The following RCBTB1 variants were observed in gnomAD, a reference collection of about 807,000 sequenced individuals.
RCBTB1 encodes RCC1 and BTB domain-containing protein 1.
RCBTB1 carries 46 observed loss-of-function variants against 62.4 expected under a neutral mutation model. The observed-to-expected ratio is 0.74, with a 90% CI of 0.58 to 0.94. The LOEUF is 0.94. Among genes scored for constraint, RCBTB1 ranks in the 40% least tolerant of loss-of-function variants. RCBTB1 has a pLI of 0.00. For synonymous variants in RCBTB1, 222 were observed against 245.8 expected, an observed-to-expected ratio of 0.90 and a Z score of 0.91; for missense variants, 565 against 654.9, an observed-to-expected ratio of 0.86 and a Z score of 1.50.
Position 49,551,327 on chromosome 13 carries a change from T to C in RCBTB1, c.853A>G (p.Arg285Gly). The C allele has an allele frequency of 6.2e-7, 1 of 1,614,100 alleles. No homozygotes were observed. Among genetic ancestry groups the C allele is most frequent in the Non-Finnish European group, 8.5e-7 (1 of 1,179,980 alleles). The change falls in exon 8 of 13, where the codon AGG becomes GGG. Residue 285 changes from arginine to glycine, a missense_variant and splice_region_variant. Arg to Gly is a moderately radical substitution (Grantham distance 125). Coordinates refer to ENST00000378302, the MANE Select transcript of RCBTB1 (RefSeq NM_018191.4). ...SPAHIMVEKE[R>G]VVEIAACHSA... is the part of the protein sequence containing the mutation. ...CAAGACGTGGCACAGCCAAGTTACCTTTCTTTCTCCACCATGATGTGTGCT... is the reference window on the plus strand; with the variant it reads ...CAAGACGTGGCACAGCCAAGTTACCCTTCTTTCTCCACCATGATGTGTGCT...
intron 2 of RCBTB1, among the ~76,000 whole-genome samples, chr13:49,571,895 T>A (rs1377102022): frequency 2.0e-5 from 3 of 152,164 alleles, no homozygotes; most frequent in African/African-American, 7.2e-5. Flanking sequence ...CATAATTATA[T>A]CAACCTTAAG....
At chr13:49,547,546 C>T (rs1960907159) in intron 9 of RCBTB1, among the ~76,000 whole-genome samples, 1 of 152,160 alleles carries the variant, frequency 6.6e-6, no homozygotes, top group Non-Finnish European at 1.5e-5. Context: ...AGATTAAAGT[C>T]ACCTTGTAAA....
rs1317410459 is a variant in RCBTB1, at chr13:49,544,739, G to A, written c.1170C>T (p.Ile390=). The A allele has an allele frequency of 1.9e-6, 3 of 1,609,616 alleles. No individual in the cohort carries two copies. The highest frequency in any genetic ancestry group is 2.5e-6 in the Non-Finnish European group (3 of 1,178,236). Residue 390 remains isoleucine (I), a splice_region_variant and synonymous_variant, in exon 10 of 13, where the codon ATC becomes ATT. Transcript: ENST00000378302. Reference sequence around the variant, plus strand: ...TCTCTGAGCTCATGCAAAAATACCTGATTTTCAAAACAGCTTTATGGACAT... The same window carrying A: ...TCTCTGAGCTCATGCAAAAATACCTAATTTTCAAAACAGCTTTATGGACAT... The part of the protein sequence containing the change: ...YIHVHKAVLK[I]RCEHFRSMFQ...
intron 9 of RCBTB1, among the ~76,000 whole-genome samples, chr13:49,547,394 C>G (rs1451891314): frequency 6.6e-6 from 1 of 152,124 alleles, no homozygotes; most frequent in Admixed American, 6.6e-5. Flanking sequence ...GCTGAACAAC[C>G]CAAACACCTT....
chr13:49,549,537 G>A lies in RCBTB1; in HGVS notation c.966C>T (p.His322=), dbSNP rs1961142773. The A allele has an allele frequency of 6.2e-7, 1 of 1,614,112 alleles. No homozygotes were observed. Residue 322 remains histidine (H), a synonymous_variant, in exon 9 of 13, where the codon CAC becomes CAT. Transcript: ENST00000378302. The part of the protein sequence containing the change: ...QCRGQSVILP[H]LTHFSCTDDV... ...CGTCGGTGCAGGAGAAGTGGGTGAG[G>A]TGCGGGAGGATCACGGACTGACCCC...
chr13:49,537,929 T>C lies in RCBTB1; in HGVS notation c.1455+2947A>G, dbSNP rs1213352656. The C allele has an allele frequency of 2.6e-5, 4 of 152,188 alleles. No homozygotes were observed. The East Asian group carries it at 7.7e-4, about 29-fold the overall frequency. 9.4% of individuals were successfully genotyped at this position (152,188 alleles called of 1,614,324 possible). On this transcript the variant is annotated intron_variant, in intron 12 of 12. Transcript: ENST00000378302. ...TTTTTGTTGCTTTAATGTGTGTACA[T>C]TTGCTTCAAAGCTATCTTGTCAAAA... is the stretch of plus-strand genomic sequence containing the variant.
At chr13:49,557,788 T>G (rs1962060015) in intron 5 of RCBTB1, among the ~76,000 whole-genome samples, 1 of 152,112 alleles carries the variant, frequency 6.6e-6, no homozygotes, top group Non-Finnish European at 1.5e-5. Flanking sequence ...AAAGAATGAA[T>G]TCTACTGCCA....
At position 49,533,030 on chromosome 13, in the gene RCBTB1, G is replaced by A. The variant is rs1566204786; in HGVS notation, c.*1092C>T. The A allele has an allele frequency of 1.3e-5, 2 of 152,274 alleles. No homozygotes were observed. Among genetic ancestry groups the A allele is most frequent in the East Asian group, 3.9e-4 (2 of 5,182 alleles). The allele number at this position is 152,274 out of a possible 1,614,324, so 9.4% of individuals were successfully genotyped here. ...TTTGGTGCTTTTTCAAGGTGAAATTGTGCTGTTATACCTAAGATGTTTAAA... is the reference window on the plus strand; with the variant it reads ...TTTGGTGCTTTTTCAAGGTGAAATTATGCTGTTATACCTAAGATGTTTAAA... On this transcript the variant is annotated 3_prime_UTR_variant, in exon 13 of 13. Transcript: ENST00000378302.
At chr13:49,568,205 T>G (rs1963156201) in intron 2 of RCBTB1, among the ~76,000 whole-genome samples, 1 of 152,228 alleles carries the variant, frequency 6.6e-6, no homozygotes, top group Non-Finnish European at 1.5e-5. Context: ...GAAATCATTC[T>G]ATATTAGCAC....
Position 49,555,660 on chromosome 13 carries a change from C to T in RCBTB1, c.458G>A (p.Gly153Asp). The T allele has an allele frequency of 6.3e-7, 1 of 1,590,014 alleles. No individual in the cohort carries two copies. Among genetic ancestry groups the T allele is most frequent in the Non-Finnish European group, 8.6e-7 (1 of 1,167,952 alleles). ...LAADGEVFAWGYNNCGQVGSG... is the reference protein window; with the variant it reads ...LAADGEVFAWDYNNCGQVGSG... ...TCCCACTTGGCCACAGTTGTTATAA[C>T]CCCAAGCAAACACCTACAAGAGAAA... The change falls in exon 6 of 13, where the codon GGT (glycine) becomes GAT (aspartate). Residue 153 changes from glycine to aspartate, a missense_variant. Physicochemically the swap from Gly to Asp is moderately conservative, Grantham distance 94 (BLOSUM62 -1). Transcript: ENST00000378302.
chr13:49,549,336 C>T (rs1181504794), intron 9 of RCBTB1, 122 bp downstream of exon 9: 9 of 842,414 alleles, frequency 1.1e-5, no homozygotes, highest in Non-Finnish European at 1.6e-5. Flanking sequence ...TTTGACGGAA[C>T]GTATGAAAGC....
intron 2 of RCBTB1, among the ~76,000 whole-genome samples, chr13:49,576,250 G>T (rs1963780750): frequency 6.7e-6 from 1 of 148,542 alleles, no homozygotes; most frequent in South Asian, 2.1e-4. Flanking sequence ...TGATGGTGGT[G>T]ATGATTGTAC....
chr13:49,576,842 CTTTT>C (rs140636532), intron 2 of RCBTB1, among the ~76,000 whole-genome samples: 1 of 149,386 alleles, frequency 6.7e-6, no homozygotes, highest in African/African-American at 2.4e-5. Flanking sequence ...GAATCAATGA[CTTTT>C]TTTTTTAACT....
At chr13:49,568,133 T>C (rs1963150740) in intron 2 of RCBTB1, among the ~76,000 whole-genome samples, 1 of 152,230 alleles carries the variant, frequency 6.6e-6, no homozygotes, top group Non-Finnish European at 1.5e-5. Flanking sequence ...TAGGTGTATG[T>C]GTATCTTTAA....
At chr13:49,578,342 AT>A (rs1174370933) in intron 2 of RCBTB1, among the ~76,000 whole-genome samples, 3 of 152,226 alleles carry the variant, frequency 2.0e-5, no homozygotes, top group Non-Finnish European at 4.4e-5. Context: ...TACAAATGCA[AT>A]TTTTAATATT....
chr13:49,555,660 C>A lies in RCBTB1; in HGVS notation c.458G>T (p.Gly153Val), dbSNP rs1961796102. ...LAADGEVFAW[G>V]YNNCGQVGSG... Reference sequence around the variant, plus strand: ...TCCCACTTGGCCACAGTTGTTATAACCCCAAGCAAACACCTACAAGAGAAA... The same window carrying A: ...TCCCACTTGGCCACAGTTGTTATAAACCCAAGCAAACACCTACAAGAGAAA... Residue 153 changes from glycine to valine, a missense_variant, in exon 6 of 13, where the codon GGT becomes GTT. Transcript: ENST00000378302. 1 of 1,590,010 alleles carries A rather than the reference C, an allele frequency of 6.3e-7. No individual in the cohort carries two copies. Among genetic ancestry groups the A allele is most frequent in the African/African-American group, 1.4e-5 (1 of 73,948 alleles).
intron 4 of RCBTB1, among the ~76,000 whole-genome samples, chr13:49,564,712 A>T (rs959775639): frequency 5.1e-4 from 77 of 151,738 alleles, no homozygotes; most frequent in African/African-American, 1.7e-3. Context: ...TAACACGGTG[A>T]AACCCCATCT....
At chr13:49,555,786 C>T in intron 5 of RCBTB1, 113 bp from the exon 6 acceptor site, 1 of 764,662 alleles carries the variant, frequency 1.3e-6, no homozygotes, top group Non-Finnish European at 2.1e-6. Context: ...TTAAGATGTG[C>T]TAAACGGTTC....
intron 4 of RCBTB1, among the ~76,000 whole-genome samples, chr13:49,565,142 G>A (rs1227447796): frequency 2.0e-5 from 3 of 152,196 alleles, no homozygotes; most frequent in African/African-American, 2.4e-5. Flanking sequence ...AGCCTGCCGA[G>A]TGCCTGCGAT....
Sources: gnomAD v4.1 joint callset for allele counts (sites outside exome capture counted in the v4.1 genomes callset) on GRCh38, gnomAD v4.1.1 for gene constraint, MANE v1.5 for transcripts, NCBI Gene and HGNC (gene_info 2026-07-23, HGNC 2026-07-21) for gene names.